Variants in TACR1 observed in about 807,000 individuals in gnomAD.
TACR1 encodes the protein substance-P receptor.
TACR1 carries 25 observed loss-of-function variants against 35.8 expected under a neutral mutation model. The observed-to-expected ratio is 0.70, with a 90% CI of 0.51 to 0.98. The LOEUF is 0.98. Ranked by LOEUF, TACR1 falls within the 50% of genes least tolerant of loss-of-function variation. TACR1 has a pLI of 0.00. For synonymous variants in TACR1, 195 were observed against 206.7 expected (o/e 0.94, Z 0.48); for missense variants, 478 against 522.9 (o/e 0.91, Z 0.84).
At chr2:75,121,823 C>CT (rs1327540867) in intron 1 of TACR1, among the ~76,000 whole-genome samples, 1 of 152,214 alleles carries the variant, frequency 6.6e-6, no homozygotes, top group Non-Finnish European at 1.5e-5. Flanking sequence ...CATTGATTCT[C>CT]TGACAGTCAG....
At chr2:75,150,503 C>A (rs1192577824) in intron 1 of TACR1, among the ~76,000 whole-genome samples, 2 of 152,154 alleles carry the variant, frequency 1.3e-5, no homozygotes, top group Admixed American at 1.3e-4. Context: ...GCTTTTGCTT[C>A]TTCCTCATTT....
chr2:75,093,251 A>C (rs1673342648), intron 2 of TACR1, among the ~76,000 whole-genome samples: 1 of 152,210 alleles, frequency 6.6e-6, no homozygotes, highest in Non-Finnish European at 1.5e-5. Context: ...GAAAATGACT[A>C]TACCTGAACA....
At chr2:75,180,142 C>T (rs1034424960) in intron 1 of TACR1, among the ~76,000 whole-genome samples, 1 of 152,170 alleles carries the variant, frequency 6.6e-6, no homozygotes, top group African/African-American at 2.4e-5. Flanking sequence ...TCAGAAAAGC[C>T]TTCTGTAATC....
intron 2 of TACR1, among the ~76,000 whole-genome samples, chr2:75,100,462 T>A (rs1439908042): frequency 6.6e-6 from 1 of 152,228 alleles, no homozygotes; most frequent in Admixed American, 6.5e-5. Flanking sequence ...TTTGCTTCCC[T>A]CATCCTCCAA....
At chr2:75,162,656 G>C (rs1187311808) in intron 1 of TACR1, among the ~76,000 whole-genome samples, 3 of 152,194 alleles carry the variant, frequency 2.0e-5, no homozygotes, top group Non-Finnish European at 4.4e-5. Context: ...ACAGTTCCCT[G>C]TAATTGAAGG....
At chr2:75,051,715 T>C (rs1024577036) in intron 3 of TACR1, among the ~76,000 whole-genome samples, 1 of 152,222 alleles carries the variant, frequency 6.6e-6, no homozygotes, top group Non-Finnish European at 1.5e-5. Context: ...GGACCCTATT[T>C]CAGACTTACT....
At chr2:75,112,022 C>T (rs938107688) in intron 2 of TACR1, among the ~76,000 whole-genome samples, 2 of 151,912 alleles carry the variant, frequency 1.3e-5, no homozygotes, top group South Asian at 4.2e-4. Flanking sequence ...TTGTGGGCAG[C>T]GGTAGTATAG....
At chr2:75,192,322 A>G (rs1675865508) in intron 1 of TACR1, among the ~76,000 whole-genome samples, 1 of 152,210 alleles carries the variant, frequency 6.6e-6, no homozygotes, top group South Asian at 2.1e-4. Context: ...TACTTACTGG[A>G]AAGCCTGCTA....
At chr2:75,182,493 T>C (rs1244810445) in intron 1 of TACR1, among the ~76,000 whole-genome samples, 1 of 152,216 alleles carries the variant, frequency 6.6e-6, no homozygotes, top group Non-Finnish European at 1.5e-5. Context: ...TATACAGCCA[T>C]GCGCCACAAA....
intron 2 of TACR1, among the ~76,000 whole-genome samples, chr2:75,079,174 C>G (rs1395928802): frequency 6.6e-6 from 1 of 152,150 alleles, no homozygotes; most frequent in Admixed American, 6.6e-5. Context: ...TAATTTTGCT[C>G]TCTGGAGCAA....
At chr2:75,053,551 C>T (rs1325475146) in intron 3 of TACR1, 54 bp downstream of exon 3, 24 of 1,463,008 alleles carry the variant, frequency 1.6e-5, no homozygotes, top group Middle Eastern at 2.1e-4. Context: ...CATCCCTTCT[C>T]GACAGCCTGT....
At position 75,104,821 on chromosome 2, in the gene TACR1, A is replaced by G. The variant is rs115161429; in HGVS notation, c.584+15753T>C. Among the ~76,000 whole-genome samples the G allele has an allele frequency of 5.1e-3, 769 of 152,232 alleles. 8 individuals carry two copies. The highest frequency in any genetic ancestry group is 0.017 in the African/African-American group (721 of 41,576). ...ACTAATCATCAGGGAAATACAAGTTAAAACCACAATGAGCTATCAGCTCAG... is the reference window on the plus strand; with the variant it reads ...ACTAATCATCAGGGAAATACAAGTTGAAACCACAATGAGCTATCAGCTCAG... On this transcript the variant is annotated intron_variant, in intron 2 of 4. Coordinates refer to ENST00000305249, the MANE Select transcript of TACR1 (RefSeq NM_001058.4).
chr2:75,069,235 A>C (rs1225992120), intron 2 of TACR1, among the ~76,000 whole-genome samples: 1 of 152,106 alleles, frequency 6.6e-6, no homozygotes, highest in Admixed American at 6.6e-5. Context: ...TCTTTCATCT[A>C]TAAATTACGC....
chr2:75,124,471 C>G (rs1022558145), intron 1 of TACR1, among the ~76,000 whole-genome samples: 18 of 152,308 alleles, frequency 1.2e-4, no homozygotes, highest in African/African-American at 3.6e-4. Flanking sequence ...CCACTCACTC[C>G]TGGGGTGTTA....
At chr2:75,146,626 C>T (rs57624612) in intron 1 of TACR1, among the ~76,000 whole-genome samples, 11,440 of 152,174 alleles carry the variant, frequency 0.075, 892 homozygotes, top group African/African-American at 0.2. Flanking sequence ...AGGATTATTG[C>T]GTTACTTGTG....
chr2:75,172,247 G>C (rs1418276753), intron 1 of TACR1, among the ~76,000 whole-genome samples: 1 of 152,136 alleles, frequency 6.6e-6, no homozygotes, highest in African/African-American at 2.4e-5. Context: ...TTGATAACTG[G>C]CAGAATCCTT....
At chr2:75,115,763 C>G (rs1206908647) in intron 2 of TACR1, among the ~76,000 whole-genome samples, 4 of 151,684 alleles carry the variant, frequency 2.6e-5, no homozygotes, top group Non-Finnish European at 5.9e-5. Context: ...AAAAATTAGC[C>G]GGGCATGGTG....
chr2:75,099,809 G>C (rs1291493962), intron 2 of TACR1, among the ~76,000 whole-genome samples: 3 of 152,086 alleles, frequency 2.0e-5, no homozygotes, highest in African/African-American at 7.2e-5. Context: ...TCTTCAGCCA[G>C]ATCTCCCCAG....
At chr2:75,074,845 A>G (rs1457519816) in intron 2 of TACR1, among the ~76,000 whole-genome samples, 1 of 152,174 alleles carries the variant, frequency 6.6e-6, no homozygotes, top group Non-Finnish European at 1.5e-5. Flanking sequence ...GGGAACATCT[A>G]TGTGTGTAGC....
Sources: allele counts gnomAD v4.1 joint callset (sites outside exome capture counted in the v4.1 genomes callset), GRCh38; gene constraint gnomAD v4.1.1; transcripts MANE v1.5; gene names NCBI Gene and HGNC (gene_info 2026-07-23, HGNC 2026-07-21).